Variants in ABI3BP observed in about 807,000 individuals in gnomAD.
The protein encoded by ABI3BP is target of Nesh-SH3.
In ABI3BP, 216 loss-of-function variants were observed where a neutral mutation model predicts 268.6. The observed-to-expected ratio is 0.80, with a 90% CI of 0.72 to 0.90. The LOEUF is 0.90. ABI3BP is among the 40% of genes least tolerant of loss of function. The probability of loss-of-function intolerance (pLI) is 0.00; values close to 1 mark genes in which losing one functional copy is unlikely to be tolerated. For synonymous variants in ABI3BP, 730 were observed against 730.0 expected (o/e 1.00, Z 0.00); for missense variants, 2,090 against 2,182.4 (o/e 0.96, Z 0.84).
intron 57 of ABI3BP, among the ~76,000 whole-genome samples, chr3:100,785,568 T>G (rs1006972821): frequency 1.3e-5 from 2 of 152,228 alleles, no homozygotes; most frequent in Non-Finnish European, 2.9e-5. Context: ...TGCCATTTAC[T>G]TCTTTTCTTG....
intron 2 of ABI3BP, among the ~76,000 whole-genome samples, chr3:100,915,909 T>C (rs1265356110): frequency 6.6e-6 from 1 of 152,256 alleles, no homozygotes; most frequent in Non-Finnish European, 1.5e-5. Flanking sequence ...TCGAATGCTC[T>C]GGCAGATTCT....
chr3:100,931,645 A>G (rs1204849002), intron 1 of ABI3BP, among the ~76,000 whole-genome samples: 2 of 152,082 alleles, frequency 1.3e-5, no homozygotes, highest in Admixed American at 1.3e-4. Flanking sequence ...AATACAGCTA[A>G]CCATGGAGGT....
chr3:100,978,188 G>C (rs1016195457), intron 1 of ABI3BP, among the ~76,000 whole-genome samples: 6 of 152,276 alleles, frequency 3.9e-5, no homozygotes, highest in Admixed American at 3.9e-4. Context: ...TTTTCAGCTG[G>C]CTGCCAAGTG....
intron 14 of ABI3BP, among the ~76,000 whole-genome samples, chr3:100,859,223 A>G (rs1174487829): frequency 6.6e-6 from 1 of 152,194 alleles, no homozygotes; most frequent in East Asian, 1.9e-4. Flanking sequence ...GATATAGTAA[A>G]TATAGATGCA....
intron 6 of ABI3BP, among the ~76,000 whole-genome samples, chr3:100,881,974 A>G (rs1267019604): frequency 2.6e-5 from 4 of 152,198 alleles, no homozygotes; most frequent in African/African-American, 4.8e-5. Flanking sequence ...TAGTGTAACC[A>G]GAAGGGTAGG....
chr3:100,796,186 T>A (rs1329380743), intron 52 of ABI3BP, among the ~76,000 whole-genome samples: 1 of 152,092 alleles, frequency 6.6e-6, no homozygotes, highest in African/African-American at 2.4e-5. Flanking sequence ...TTTATAATTT[T>A]AGCGTGATCT....
At chr3:100,816,000 G>T in intron 43 of ABI3BP, 29 bp from the exon 44 acceptor site, 1 of 1,459,254 alleles carries the variant, frequency 6.9e-7, no homozygotes, top group Non-Finnish European at 9.1e-7. Context: ...ATGAATACAA[G>T]AAAGCTTAAA....
chr3:100,974,978 G>T (rs1239727848), intron 1 of ABI3BP, among the ~76,000 whole-genome samples: 1 of 152,146 alleles, frequency 6.6e-6, no homozygotes, highest in African/African-American at 2.4e-5. Context: ...CAAGCAAGTT[G>T]TTTATAGACA....
chr3:100,846,991 C>G (rs1217103663), intron 19 of ABI3BP, among the ~76,000 whole-genome samples: 2 of 152,164 alleles, frequency 1.3e-5, no homozygotes, highest in African/African-American at 2.4e-5. Flanking sequence ...AAGGAAAAAT[C>G]TAAAATCATT....
intron 1 of ABI3BP, among the ~76,000 whole-genome samples, chr3:100,990,567 T>TATATATATATAATTTTGTATATATA (rs1244844507): frequency 1.3e-5 from 2 of 148,406 alleles, no homozygotes; most frequent in Non-Finnish European, 3.0e-5. Flanking sequence ...TATATATGGT[T>TATATATATATAATTTTGTATATATA]ATATATATAT....
At chr3:100,867,364 G>A (rs114459426) in intron 9 of ABI3BP, among the ~76,000 whole-genome samples, 3 of 152,028 alleles carry the variant, frequency 2.0e-5, no homozygotes, top group Admixed American at 6.5e-5. Flanking sequence ...ATTTCCGGCC[G>A]GGCGTGGTGG....
At chr3:100,760,639 G>A (rs1192208664) in intron 63 of ABI3BP, among the ~76,000 whole-genome samples, 1 of 152,144 alleles carries the variant, frequency 6.6e-6, no homozygotes, top group East Asian at 1.9e-4. Flanking sequence ...AGCTGGAGGA[G>A]ACTTAAGAGA....
Position 100,848,803 on chromosome 3 carries a change from G to T in ABI3BP, c.1574C>A (p.Pro525His), listed in dbSNP as rs1312279072. 6.2e-7 allele frequency: 1 copy of T among 1,610,874 alleles called. No individual in the cohort carries two copies. The change falls in exon 18 of 68, where the codon CCT (proline) becomes CAT (histidine). Residue 525 changes from proline to histidine, a missense_variant and splice_region_variant. Physicochemically the swap from Pro to His is moderately conservative, Grantham distance 77. Transcript: ENST00000471714. ...RPRPKPPRTK[P>H]ERTTSAGTIT... ...TGTAAATATAAAGAGACATTTACCA[G>T]GTTTGGTTCTTGGCGGTTTGGGCCG... is the stretch of plus-strand genomic sequence containing the variant.
chr3:100,834,282 T>G (rs999193453), intron 29 of ABI3BP, among the ~76,000 whole-genome samples: 1 of 152,204 alleles, frequency 6.6e-6, no homozygotes, highest in Non-Finnish European at 1.5e-5. Flanking sequence ...TTCCTCACAT[T>G]CCTGTATATC....
intron 62 of ABI3BP, 93 bp downstream of exon 62, chr3:100,770,650 T>C: frequency 8.0e-7 from 1 of 1,244,926 alleles, no homozygotes; most frequent in Non-Finnish European, 1.1e-6. Flanking sequence ...CCAGGTATGC[T>C]TCACATGTCA....
At chr3:100,754,191 T>G (rs1381335297) in intron 64 of ABI3BP, among the ~76,000 whole-genome samples, 1 of 152,176 alleles carries the variant, frequency 6.6e-6, no homozygotes, top group Admixed American at 6.5e-5. Flanking sequence ...TGAACTACAG[T>G]TGGTATAAAA....
intron 62 of ABI3BP, among the ~76,000 whole-genome samples, chr3:100,768,698 G>A (rs1002048712): frequency 3.3e-5 from 5 of 151,938 alleles, no homozygotes; most frequent in African/African-American, 1.2e-4. Flanking sequence ...TAACAATGAG[G>A]ATTATTATTA....
intron 2 of ABI3BP, among the ~76,000 whole-genome samples, chr3:100,922,918 T>A (rs1190479278): frequency 6.6e-6 from 1 of 152,222 alleles, no homozygotes; most frequent in African/African-American, 2.4e-5. Flanking sequence ...CGGAAGACTA[T>A]AAATAACCAA....
chr3:100,752,971 G>A (rs2095418063), intron 65 of ABI3BP, 23 bp from the exon 66 acceptor site: 1 of 1,598,030 alleles, frequency 6.3e-7, no homozygotes, highest in Admixed American at 1.7e-5. Flanking sequence ...AATAGTTTGA[G>A]TTTAGTATCT....
Sources: gnomAD v4.1 joint callset for allele counts (sites outside exome capture counted in the v4.1 genomes callset) on GRCh38, gnomAD v4.1.1 for gene constraint, MANE v1.5 for transcripts, NCBI Gene and HGNC (gene_info 2026-07-23, HGNC 2026-07-21) for gene names.